Variants in GIPC2 observed in about 807,000 individuals in gnomAD.
GIPC2 encodes PDZ domain-containing protein GIPC2.
In GIPC2, 30 loss-of-function variants were observed where a neutral mutation model predicts 30.6. That is an observed-to-expected ratio of 0.98 (90% CI 0.73 to 1.33). The LOEUF is 1.33. Ranked by LOEUF, GIPC2 falls within the 40% of genes most tolerant of loss-of-function variation. The probability of loss-of-function intolerance (pLI) is 0.00; values close to 1 mark genes in which losing one functional copy is unlikely to be tolerated. For synonymous variants in GIPC2, 167 were observed against 150.0 expected, an observed-to-expected ratio of 1.11 and a Z score of -0.83; for missense variants, 414 against 390.3, an observed-to-expected ratio of 1.06 and a Z score of -0.51.
intron 3 of GIPC2, among the ~76,000 whole-genome samples, chr1:78,099,657 C>T (rs1004150760): frequency 9.9e-5 from 15 of 151,972 alleles, no homozygotes; most frequent in East Asian, 1.9e-4. Context: ...CCAGGATGGT[C>T]TCAATCTCCT....
chr1:78,118,138 G>A (rs1246405770), intron 3 of GIPC2, among the ~76,000 whole-genome samples: 2 of 151,432 alleles, frequency 1.3e-5, no homozygotes, highest in Admixed American at 1.3e-4. Flanking sequence ...GCCCAGGCTG[G>A]TCTTGAACTC....
chr1:78,085,372 G>A (rs1355204221), intron 2 of GIPC2, among the ~76,000 whole-genome samples: 1 of 152,130 alleles, frequency 6.6e-6, no homozygotes, highest in Non-Finnish European at 1.5e-5. Flanking sequence ...GTTCAGCAAG[G>A]ATATTGGCCT....
Position 78,045,978 on chromosome 1 carries a change from G to A in GIPC2, c.-117G>A, listed in dbSNP as rs1557522474. The stretch of plus-strand genomic sequence containing the variant: ...ACCCGACGCAGCCAGGCGGAAGCGC[G>A]GCTGCCATTGGAGGCTGCTTTTACC... On this transcript the variant is annotated 5_prime_UTR_variant, in exon 1 of 6. Transcript: ENST00000370759. The A allele has an allele frequency of 1.5e-6, 2 of 1,377,180 alleles. No homozygotes were observed. The highest frequency in any genetic ancestry group is 1.9e-6 in the Non-Finnish European group (2 of 1,069,552). 85.3% of individuals were successfully genotyped at this position (1,377,180 alleles called of 1,614,324 possible). A position where few individuals can be genotyped will look rare whatever the true frequency, so the allele number is the denominator to read the frequency against.
intron 1 of GIPC2, 117 bp downstream of exon 1, chr1:78,046,451 C>A (rs750252814): frequency 1.1e-6 from 1 of 899,440 alleles, no homozygotes; most frequent in Non-Finnish European, 1.7e-6. Flanking sequence ...AATCCGATGC[C>A]GTGTTGAGTC....
chr1:78,064,359 A>G (rs950678526), intron 1 of GIPC2, among the ~76,000 whole-genome samples: 11 of 152,208 alleles, frequency 7.2e-5, no homozygotes, highest in African/African-American at 2.4e-4. Context: ...TTGCAATTCA[A>G]ACAGAATCCT....
At chr1:78,055,629 T>C (rs71641320) in intron 1 of GIPC2, among the ~76,000 whole-genome samples, 1,722 of 152,298 alleles carry the variant, frequency 0.011, 21 homozygotes, top group Non-Finnish European at 0.018. Context: ...ACTGTGTCTT[T>C]GTGTTTCTTT....
chr1:78,082,787 C>A (rs1410553805), intron 2 of GIPC2, among the ~76,000 whole-genome samples: 1 of 152,144 alleles, frequency 6.6e-6, no homozygotes, highest in African/African-American at 2.4e-5. Context: ...ATACTGTATA[C>A]ATGGTTGATG....
chr1:78,079,742 CTCT>C (rs1009480943), intron 1 of GIPC2, among the ~76,000 whole-genome samples: 4 of 152,306 alleles, frequency 2.6e-5, no homozygotes, highest in African/African-American at 4.8e-5. Flanking sequence ...AACCCTGCTT[CTCT>C]TCTTCTATAA....
chr1:78,073,512 G>C (rs112238770), intron 1 of GIPC2, among the ~76,000 whole-genome samples: 3,982 of 152,114 alleles, frequency 0.026, 51 homozygotes, highest in Middle Eastern at 0.071. Flanking sequence ...GATGTAGGAG[G>C]GTAGTCATAT....
intron 1 of GIPC2, among the ~76,000 whole-genome samples, chr1:78,055,980 A>C (rs1661288119): frequency 6.6e-6 from 1 of 151,814 alleles, no homozygotes; most frequent in African/African-American, 2.4e-5. Flanking sequence ...TCTCTCCCCT[A>C]CTCTTTCCCT....
chr1:78,074,772 T>C (rs1661685307), intron 1 of GIPC2, among the ~76,000 whole-genome samples: 1 of 152,206 alleles, frequency 6.6e-6, no homozygotes, highest in African/African-American at 2.4e-5. Context: ...TTTACTGATA[T>C]TGGAAGTAAG....
At chr1:78,098,661 T>TTTGGTTAGAGGTTATAGGTGGTGG (rs1662185317) in intron 3 of GIPC2, among the ~76,000 whole-genome samples, 3 of 152,144 alleles carry the variant, frequency 2.0e-5, no homozygotes, top group African/African-American at 7.2e-5. Context: ...CATGTTGAAG[T>TTTGGTTAGAGGTTATAGGTGGTGG]CCTAATCTTC....
At chr1:78,054,507 C>A (rs775147261) in intron 1 of GIPC2, among the ~76,000 whole-genome samples, 1 of 152,186 alleles carries the variant, frequency 6.6e-6, no homozygotes, top group Non-Finnish European at 1.5e-5. Context: ...ATCCCTGACA[C>A]ATATTTTACA....
At chr1:78,084,117 C>T (rs955644252) in intron 2 of GIPC2, among the ~76,000 whole-genome samples, 20 of 152,034 alleles carry the variant, frequency 1.3e-4, no homozygotes, top group African/African-American at 4.8e-4. Flanking sequence ...TGTGCTCATA[C>T]ATTGAAGTCA....
At chr1:78,087,587 C>A (rs1221544452) in intron 2 of GIPC2, among the ~76,000 whole-genome samples, 1 of 152,066 alleles carries the variant, frequency 6.6e-6, no homozygotes, top group Admixed American at 6.6e-5. Flanking sequence ...GAAGCTGGAC[C>A]CCTCCTTACA....
chr1:78,131,918 C>CT (rs1230365154), intron 5 of GIPC2, among the ~76,000 whole-genome samples: 3 of 152,192 alleles, frequency 2.0e-5, no homozygotes, highest in Non-Finnish European at 4.4e-5. Context: ...AATTATGTAG[C>CT]TGTGTAATTG....
intron 1 of GIPC2, among the ~76,000 whole-genome samples, chr1:78,075,523 CTTAGGT>C (rs1479451636): frequency 6.6e-6 from 1 of 152,150 alleles, no homozygotes. Flanking sequence ...TCACCAAGGA[CTTAGGT>C]TTATTTCTTC....
At chr1:78,054,686 A>G (rs1254824347) in intron 1 of GIPC2, among the ~76,000 whole-genome samples, 1 of 152,168 alleles carries the variant, frequency 6.6e-6, no homozygotes, top group African/African-American at 2.4e-5. Flanking sequence ...CACCAGCCTC[A>G]TTTTTATATG....
intron 4 of GIPC2, among the ~76,000 whole-genome samples, chr1:78,123,058 G>A (rs993231877): frequency 2.0e-5 from 3 of 151,970 alleles, no homozygotes; most frequent in East Asian, 1.9e-4. Context: ...TCAGGAGTTC[G>A]AGACTAGCCT....
Sources: gnomAD v4.1 joint callset for allele counts (sites outside exome capture counted in the v4.1 genomes callset) on GRCh38, gnomAD v4.1.1 for gene constraint, MANE v1.5 for transcripts, NCBI Gene and HGNC (gene_info 2026-07-23, HGNC 2026-07-21) for gene names.